The following NDST1 variants were observed in gnomAD, a reference collection of about 807,000 sequenced individuals.
The protein encoded by NDST1 is bifunctional heparan sulfate N-deacetylase/N-sulfotransferase 1.
Under a neutral mutation model 92.8 loss-of-function variants are expected in NDST1, and 35 were observed. The observed-to-expected ratio is 0.38, with a 90% confidence interval of 0.29 to 0.50. The LOEUF (loss-of-function observed/expected upper bound fraction) is 0.50. NDST1 is among the 20% of genes least tolerant of loss of function. The pLI is 0.94. For missense variants in NDST1, 822 were observed against 1,182.7 expected, an observed-to-expected ratio of 0.69 and a Z score of 4.47; for synonymous variants, 493 against 500.3, an observed-to-expected ratio of 0.99 and a Z score of 0.19.
At chr5:150,514,863 A>G (rs1047345898) in intron 1 of NDST1, among the ~76,000 whole-genome samples, 10 of 152,162 alleles carry the variant, frequency 6.6e-5, no homozygotes, top group African/African-American at 2.4e-4. Context: ...TAAGGACCTG[A>G]CCCTGGGAAA....
intron 1 of NDST1, among the ~76,000 whole-genome samples, chr5:150,513,153 C>T (rs1753798799): frequency 6.6e-6 from 1 of 151,994 alleles, no homozygotes; most frequent in Admixed American, 6.6e-5. Flanking sequence ...TGTGATTGTG[C>T]CCCTGCACTC....
chr5:150,514,050 C>T (rs1374543238), intron 1 of NDST1, among the ~76,000 whole-genome samples: 2 of 152,234 alleles, frequency 1.3e-5, no homozygotes, highest in African/African-American at 2.4e-5. Context: ...CTGTGGGCCA[C>T]TGGCCTTTGT....
rs1309539410 is a variant in NDST1, at chr5:150,527,925, C to T, written c.635C>T (p.Pro212Leu). 6.2e-7 allele frequency: 1 copy of T among 1,614,224 alleles called. No individual in the cohort carries two copies. The highest frequency in any genetic ancestry group is 8.5e-7 in the Non-Finnish European group (1 of 1,180,046). ...TCCCCGCTGCTCTACGTGACGCGACCTAGCGAGGTGGAGAAAGGTGTGCTC... is the reference window on the plus strand; with the variant it reads ...TCCCCGCTGCTCTACGTGACGCGACTTAGCGAGGTGGAGAAAGGTGTGCTC... Reference protein sequence around the residue: ...PKSPLLYVTRPSEVEKGVLPG... With the variant: ...PKSPLLYVTRLSEVEKGVLPG... The change falls in exon 3 of 15, where the codon CCT becomes CTT. Residue 212 changes from proline (P) to leucine (L), a missense_variant. Physicochemically the swap from Pro to Leu is moderately conservative, Grantham distance 98. Transcript: ENST00000261797.
In NDST1 at chr5:150,508,341, G is replaced by GTGTGGTA. The variant is rs1554091053; in HGVS notation, c.-388+119_-388+120insGTATGTG. 3.3e-3 allele frequency: 504 copies of GTGTGGTA among 154,250 alleles called. 2 individuals are homozygous for GTGTGGTA. The highest frequency in any genetic ancestry group is 0.012 in the African/African-American group (477 of 41,396). 9.6% of individuals were successfully genotyped at this position (154,250 alleles called of 1,614,324 possible). On this transcript the variant is annotated intron_variant, in intron 1 of 14. Coordinates refer to ENST00000261797, the MANE Select transcript of NDST1 (RefSeq NM_001543.5). ...CATCTGAGTGTGTGTGTGTGTGTGT[G>GTGTGGTA]TGTGTGTGTGTCCCCAGGAGGGATC...
intron 2 of NDST1, among the ~76,000 whole-genome samples, chr5:150,525,612 G>C (rs1158913905): frequency 6.6e-6 from 1 of 152,196 alleles, no homozygotes; most frequent in Non-Finnish European, 1.5e-5. Context: ...GATGTTTGGA[G>C]AATCACATGC....
intron 1 of NDST1, among the ~76,000 whole-genome samples, chr5:150,518,548 A>G (rs1231821584): frequency 6.6e-6 from 1 of 152,224 alleles, no homozygotes; most frequent in African/African-American, 2.4e-5. Flanking sequence ...AAGCGGAAAT[A>G]AAAATCACCC....
intron 1 of NDST1, among the ~76,000 whole-genome samples, chr5:150,502,547 G>A (rs1753281816): frequency 6.6e-6 from 1 of 152,154 alleles, no homozygotes; most frequent in African/African-American, 2.4e-5. Context: ...CATGGGTGCT[G>A]GGTCCTGCAT....
chr5:150,515,942 A>G (rs1401311266), intron 1 of NDST1, among the ~76,000 whole-genome samples: 2 of 151,990 alleles, frequency 1.3e-5, no homozygotes, highest in African/African-American at 2.4e-5. Flanking sequence ...GCACTTTGCT[A>G]CAAAGCAACT....
rs559029497 is a variant in NDST1 at position 150,553,907 on chromosome 5, C to G, written c.*575C>G. The stretch of plus-strand genomic sequence containing the variant: ...TCTGGTTCCTACCTTCACATCTCAC[C>G]CTCCCGTTCTGGGGAAGAATTTCTG... On this transcript the variant is annotated 3_prime_UTR_variant, in exon 15 of 15. Coordinates refer to ENST00000261797, the MANE Select transcript of NDST1 (RefSeq NM_001543.5). The surrounding 1 kb of genome is among the most constrained non-coding windows in gnomAD (Gnocchi z 4.2). The G allele has an allele frequency of 4.7e-6, 2 of 422,622 alleles. No homozygotes were observed. Among genetic ancestry groups the G allele is most frequent in the Admixed American group, 7.7e-5 (2 of 25,886 alleles). The allele number at this position is 422,622 out of a possible 1,614,324, so 26.2% of individuals were successfully genotyped here.
intron 2 of NDST1, among the ~76,000 whole-genome samples, chr5:150,526,959 T>C (rs539296866): frequency 6.6e-6 from 1 of 152,340 alleles, no homozygotes; most frequent in South Asian, 2.1e-4. Flanking sequence ...CTGATGGCAG[T>C]GACCGGGCAG....
At chr5:150,544,437 G>A (rs1358560901) in intron 10 of NDST1, among the ~76,000 whole-genome samples, 1 of 152,190 alleles carries the variant, frequency 6.6e-6, no homozygotes, top group Admixed American at 6.5e-5. Flanking sequence ...GAGAGAAGAC[G>A]TAATTCCTTG....
intron 8 of NDST1, among the ~76,000 whole-genome samples, chr5:150,540,566 A>G (rs1484855177): frequency 6.6e-6 from 1 of 152,156 alleles, no homozygotes; most frequent in Non-Finnish European, 1.5e-5. Context: ...CTATAATCCC[A>G]ATACTTTAGG....
chr5:150,504,159 C>G (rs963678417), upstream of NDST1, among the ~76,000 whole-genome samples: 4 of 152,204 alleles, frequency 2.6e-5, no homozygotes, highest in African/African-American at 9.7e-5. Flanking sequence ...AGCCTGTTTC[C>G]CAGCAGTTGA....
At chr5:150,527,774 G>A (rs370937536) in intron 2 of NDST1, 30 bp from the exon 3 acceptor site, 4 of 1,611,280 alleles carry the variant, frequency 2.5e-6, no homozygotes, top group Non-Finnish European at 2.5e-6. Flanking sequence ...TGACAGTTCT[G>A]TTCCCCTTCC....
intron 14 of NDST1, among the ~76,000 whole-genome samples, chr5:150,552,218 A>T (rs1394494882): frequency 6.6e-6 from 1 of 152,108 alleles, no homozygotes; most frequent in Non-Finnish European, 1.5e-5. Context: ...CACAAGTGCT[A>T]TGGGAATTCA....
intron 2 of NDST1, among the ~76,000 whole-genome samples, chr5:150,525,780 C>T (rs887366950): frequency 1.3e-5 from 2 of 152,190 alleles, no homozygotes; most frequent in Non-Finnish European, 2.9e-5. Flanking sequence ...CCTGCGCACC[C>T]CTGTGTGTGC....
chr5:150,553,009 G>A lies in NDST1; in HGVS notation c.2530-204G>A, dbSNP rs908593072. Among the ~76,000 whole-genome samples, 9 of 152,008 alleles carry A rather than the reference G, an allele frequency of 5.9e-5. No individual in the cohort carries two copies. The highest frequency in any genetic ancestry group is 1.9e-4 in the African/African-American group (8 of 41,370). On this transcript the variant is annotated intron_variant, in intron 14 of 14. Transcript: ENST00000261797. This position sits in a 1 kb window ranked among gnomAD's most constrained non-coding sequence, Gnocchi z 4.2. ...TTACTGGCGCCCACCACCTCACCCC[G>A]CTAATTTTTGTATTTTTAGTAGGGT...
chr5:150,512,474 C>T (rs1462750071), intron 1 of NDST1, among the ~76,000 whole-genome samples: 1 of 152,356 alleles, frequency 6.6e-6, no homozygotes, highest in East Asian at 1.9e-4. Flanking sequence ...TAGTGGCATG[C>T]TTGGCACCTA....
At chr5:150,547,541 A>C (rs1244923793) in intron 11 of NDST1, among the ~76,000 whole-genome samples, 2 of 152,232 alleles carry the variant, frequency 1.3e-5, no homozygotes, top group Non-Finnish European at 2.9e-5. Flanking sequence ...GTTCTTTCCC[A>C]GTCCTTCTGA....
Sources: gnomAD v4.1 joint callset for allele counts (sites outside exome capture counted in the v4.1 genomes callset) on GRCh38, gnomAD v4.1.1 for gene constraint, Gnocchi (gnomAD v3.1) non-coding constraint, MANE v1.5 for transcripts, NCBI Gene and HGNC (gene_info 2026-07-23, HGNC 2026-07-21) for gene names.